Variants in FARS2 observed in about 807,000 individuals in gnomAD.
The protein encoded by FARS2 is phenylalanine--tRNA ligase, mitochondrial.
FARS2 carries 40 observed loss-of-function variants against 46.4 expected under a neutral mutation model. That is an observed-to-expected ratio of 0.86 (90% CI 0.67 to 1.12). The LOEUF (loss-of-function observed/expected upper bound fraction) is 1.12, where lower values mean the gene tolerates loss of function less well. Among genes scored for constraint, FARS2 ranks in the 50% most tolerant of loss-of-function variants. The pLI is 0.00. For synonymous variants in FARS2, 234 were observed against 214.9 expected (o/e 1.09, Z -0.78); for missense variants, 513 against 567.9 (o/e 0.90, Z 0.98).
intron 4 of FARS2, among the ~76,000 whole-genome samples, chr6:5,446,910 C>A (rs531633727): frequency 6.6e-6 from 1 of 151,964 alleles, no homozygotes; most frequent in Non-Finnish European, 1.5e-5. Context: ...GAGGGAGAGG[C>A]GGCACTGTGT....
chr6:5,358,597 T>C (rs893943680), intron 1 of FARS2, among the ~76,000 whole-genome samples: 2 of 152,162 alleles, frequency 1.3e-5, no homozygotes, highest in African/African-American at 4.8e-5. Context: ...CAAATGGATA[T>C]TGGTAATGTG....
At chr6:5,436,551 A>G (rs1001191081) in intron 4 of FARS2, among the ~76,000 whole-genome samples, 1 of 152,252 alleles carries the variant, frequency 6.6e-6, no homozygotes, top group African/African-American at 2.4e-5. Flanking sequence ...AGTAGGGCAG[A>G]TAAGATTATA....
chr6:5,375,620 A>T (rs1223026531), intron 2 of FARS2, among the ~76,000 whole-genome samples: 1 of 152,090 alleles, frequency 6.6e-6, no homozygotes, highest in African/African-American at 2.4e-5. Flanking sequence ...AGTTGTAAAG[A>T]TAGTTTAGTA....
chr6:5,648,220 C>T (rs1021697256), intron 6 of FARS2, among the ~76,000 whole-genome samples: 6 of 152,184 alleles, frequency 3.9e-5, no homozygotes, highest in African/African-American at 1.4e-4. Context: ...AACACAGTAG[C>T]CTCATGTCCT....
At chr6:5,513,998 C>T (rs968446921) in intron 4 of FARS2, among the ~76,000 whole-genome samples, 9 of 151,520 alleles carry the variant, frequency 5.9e-5, no homozygotes, top group African/African-American at 1.5e-4. Flanking sequence ...TTGTGTTCTC[C>T]CATGGTATAC....
intron 2 of FARS2, among the ~76,000 whole-genome samples, chr6:5,374,599 A>C (rs2127655581): frequency 6.6e-6 from 1 of 152,156 alleles, no homozygotes; most frequent in South Asian, 2.1e-4. Flanking sequence ...TCATTTTATG[A>C]GGTTAGACAT....
intron 5 of FARS2, among the ~76,000 whole-genome samples, chr6:5,555,385 C>G (rs571409253): frequency 3.3e-5 from 5 of 152,272 alleles, no homozygotes; most frequent in African/African-American, 1.2e-4. Flanking sequence ...TTCACTGATA[C>G]TGACCGATGA....
At chr6:5,568,659 A>G (rs563672293) in intron 5 of FARS2, among the ~76,000 whole-genome samples, 13 of 152,282 alleles carry the variant, frequency 8.5e-5, no homozygotes, top group Admixed American at 2.6e-4. Flanking sequence ...GAGTGTGCTG[A>G]GTTAGTGTGG....
chr6:5,253,891 T>C, the FARS2 span, among the ~76,000 whole-genome samples: 41,968 of 150,950 alleles, frequency 0.28, 7,209 homozygotes, highest in African/African-American at 0.48. Context: ...CATGCAACAA[T>C]GAACCATTTC....
intron 3 of FARS2, among the ~76,000 whole-genome samples, chr6:5,410,157 G>GTTT (rs67469826): frequency 2.2e-5 from 3 of 136,830 alleles, no homozygotes; most frequent in Non-Finnish European, 4.7e-5. Flanking sequence ...GTGTTTTTTT[G>GTTT]TTTTTTTTTT....
intron 4 of FARS2, among the ~76,000 whole-genome samples, chr6:5,532,786 G>T (rs6911876): frequency 0.22 from 25,748 of 118,230 alleles, 2,493 homozygotes; most frequent in Non-Finnish European, 0.25. Context: ...ATAATAATAA[G>T]AAGAAGAAGA....
chr6:5,580,318 A>T (rs1430057451), intron 5 of FARS2, among the ~76,000 whole-genome samples: 1 of 144,268 alleles, frequency 6.9e-6, no homozygotes, highest in Non-Finnish European at 1.5e-5. Context: ...AGAAGGAGGG[A>T]GGGAGGAAGG....
chr6:5,290,561 G>T (rs1210861600), intron 1 of FARS2, among the ~76,000 whole-genome samples: 1 of 152,182 alleles, frequency 6.6e-6, no homozygotes, highest in African/African-American at 2.4e-5. Flanking sequence ...GTAGAAAGTA[G>T]CTCAGTTTTT....
At chr6:5,582,732 A>G (rs1302158097) in intron 5 of FARS2, among the ~76,000 whole-genome samples, 2 of 152,240 alleles carry the variant, frequency 1.3e-5, no homozygotes, top group Non-Finnish European at 2.9e-5. Context: ...GATTTCACCA[A>G]ATTAAAAAGA....
chr6:5,293,694 T>C (rs550376906), intron 1 of FARS2, among the ~76,000 whole-genome samples: 1 of 152,344 alleles, frequency 6.6e-6, no homozygotes, highest in South Asian at 2.1e-4. Flanking sequence ...TTTTTTGTTG[T>C]CGTTGTTCAT....
intron 1 of FARS2, among the ~76,000 whole-genome samples, chr6:5,328,335 AT>A (rs779615267): frequency 6.6e-6 from 1 of 152,116 alleles, no homozygotes; most frequent in South Asian, 2.1e-4. Context: ...ATTCTTTATA[AT>A]TTTACGGTTA....
chr6:5,250,134 CTATCTT>C, the FARS2 span, among the ~76,000 whole-genome samples: 7 of 152,126 alleles, frequency 4.6e-5, no homozygotes, highest in Non-Finnish European at 8.8e-5. Flanking sequence ...CTTATATTCT[CTATCTT>C]TATTTTCTCA....
chr6:5,414,371 G>A (rs908496483), intron 3 of FARS2, among the ~76,000 whole-genome samples: 20 of 152,034 alleles, frequency 1.3e-4, no homozygotes, highest in African/African-American at 4.3e-4. Flanking sequence ...ACCCCAAAAC[G>A]TTTCCTTGTG....
At chr6:5,719,912 C>T (rs1228913138) in intron 6 of FARS2, among the ~76,000 whole-genome samples, 2 of 152,230 alleles carry the variant, frequency 1.3e-5, no homozygotes, top group East Asian at 1.9e-4. Flanking sequence ...GTGACACAAA[C>T]CTGTTGTGGA....
Sources: gnomAD v4.1 joint callset for allele counts (sites outside exome capture counted in the v4.1 genomes callset) on GRCh38, gnomAD v4.1.1 for gene constraint, MANE v1.5 for transcripts, NCBI Gene and HGNC (gene_info 2026-07-23, HGNC 2026-07-21) for gene names.